The following PDHB variants were observed in gnomAD, a reference collection of about 807,000 sequenced individuals.
PDHB encodes pyruvate dehydrogenase E1 subunit beta, also known as pyruvate dehydrogenase E1 component subunit beta, mitochondrial.
Under a neutral mutation model 42.8 loss-of-function variants are expected in PDHB, and 17 were observed. The observed-to-expected ratio is 0.40, with a 90% CI of 0.27 to 0.60. The LOEUF (loss-of-function observed/expected upper bound fraction) is 0.60. PDHB is among the 20% of genes least tolerant of loss of function. PDHB has a pLI of 0.46. For synonymous variants in PDHB, 154 were observed against 148.7 expected (o/e 1.04, Z -0.26); for missense variants, 322 against 451.3 (o/e 0.71, Z 2.60).
chr3:58,433,237 C>A lies in PDHB; in HGVS notation c.96+394G>T, dbSNP rs894670996. On this transcript the variant is annotated intron_variant, in intron 2 of 9. Coordinates refer to ENST00000302746, the MANE Select transcript of PDHB (RefSeq NM_000925.4). ...GTTACCGAGTAATGGACAGTTTCTG[C>A]TTGGGATGATTAAAAAGTTCTGGAA... 7 of 311,506 alleles carry A rather than the reference C, an allele frequency of 2.2e-5. No individual in the cohort carries two copies. In the Admixed American group the frequency reaches 2.9e-4, roughly 13 times the overall value. The allele number at this position is 311,506 out of a possible 1,614,324, so 19.3% of individuals were successfully genotyped here.
Position 58,431,633 on chromosome 3 carries a change from A to C in PDHB, c.268-5T>G. 4.4e-6 allele frequency: 7 copies of C among 1,608,936 alleles called. No homozygotes were observed. Among genetic ancestry groups the C allele is most frequent in the Non-Finnish European group, 6.0e-6 (7 of 1,175,862 alleles). On this transcript the variant is annotated splice_region_variant and splice_polypyrimidine_tract_variant and intron_variant, in intron 4 of 9. Transcript: ENST00000302746. This position sits in a 1 kb window ranked among gnomAD's most constrained non-coding sequence, Gnocchi z 4.4. ...AGCAATTCCAGCAAAGCCCATCTAT[A>C]AAGTAAAATATAAACATAAGTGAAA...
chr3:58,430,638 A>G lies in PDHB; in HGVS notation c.589+19T>C. The G allele has an allele frequency of 6.2e-7, 1 of 1,609,984 alleles. No individual in the cohort carries two copies. The highest frequency in any genetic ancestry group is 8.5e-7 in the Non-Finnish European group (1 of 1,177,470). The stretch of plus-strand genomic sequence containing the variant: ...AGTTTTTCAATCTTCAAAAAAAACC[A>G]AAGGGTCCCTGTGCTGACCTGGATT... On this transcript the variant is annotated intron_variant, in intron 6 of 9. Transcript: ENST00000302746.
intron 2 of PDHB, chr3:58,432,241 C>A (rs1356823978): frequency 2.0e-6 from 1 of 491,332 alleles, no homozygotes; most frequent in Non-Finnish European, 3.7e-6. Context: ...AGGAGTTGCT[C>A]TTTTAATATA....
In PDHB at chr3:58,431,875, A is replaced by AC; in HGVS notation, c.204+1dup. The stretch of plus-strand genomic sequence containing the variant: ...TGTATAACTTTCATATATTTTAGTT[A>AC]CCTTGTATGCCCCATCATACTGGGC... On this transcript the variant is annotated splice_donor_variant, in intron 3 of 9. Transcript: ENST00000302746. LOFTEE classifies it high-confidence loss of function. The surrounding 1 kb of genome is among the most constrained non-coding windows in gnomAD (Gnocchi z 4.4). 6.2e-7 allele frequency: 1 copy of AC among 1,609,952 alleles called. No homozygotes were observed. The highest frequency in any genetic ancestry group is 2.2e-5 in the East Asian group (1 of 44,866).
intron 8 of PDHB, 107 bp from the exon 9 acceptor site, chr3:58,428,721 G>C: frequency 9.7e-7 from 1 of 1,033,394 alleles, no homozygotes; most frequent in Non-Finnish European, 1.5e-6. Context: ...TTGTATCTAG[G>C]AAAATCTAAT....
At position 58,428,072 on chromosome 3, in the gene PDHB, C is replaced by A. The variant is rs773256169; in HGVS notation, c.1042G>T (p.Asp348Tyr). The A allele has an allele frequency of 6.2e-7, 1 of 1,610,138 alleles. No homozygotes were observed. The highest frequency in any genetic ancestry group is 1.1e-5 in the South Asian group (1 of 90,992). The change falls in exon 10 of 10, where the codon GAC becomes TAC. Residue 348 changes from aspartate (D) to tyrosine (Y), a missense_variant. This residue lies in a region of PDHB where 208 missense variants were observed against 285.0 expected (regional missense o/e 0.73). Coordinates refer to ENST00000302746, the MANE Select transcript of PDHB (RefSeq NM_000925.4). ...LEDNSIPQVKDIIFAIKKTLN... is the reference protein window; with the variant it reads ...LEDNSIPQVKYIIFAIKKTLN... ...GTTTTCTTTATTGCAAATATGATGT[C>A]TTTGACCTGAGGTATAGAGTTGTCC...
rs1234629503 is a variant in PDHB, at chr3:58,427,657, T to C, written c.*377A>G. 8.2e-6 allele frequency: 3 copies of C among 365,448 alleles called. No homozygotes were observed. The highest frequency in any genetic ancestry group is 6.4e-5 in the African/African-American group (3 of 46,794). The allele number at this position is 365,448 out of a possible 1,614,324, so 22.6% of individuals were successfully genotyped here. A position where few individuals can be genotyped will look rare whatever the true frequency, so the allele number is the denominator to read the frequency against. ...ATGTTAGAAATTCCTTTATTCCTTA[T>C]CAAAACAAACTAACAGTAAATGTAT... is the stretch of plus-strand genomic sequence containing the variant. On this transcript the variant is annotated 3_prime_UTR_variant, in exon 10 of 10. Coordinates refer to ENST00000302746, the MANE Select transcript of PDHB (RefSeq NM_000925.4).
Position 58,431,836 on chromosome 3 carries a change from A to G in PDHB, c.204+41T>C, listed in dbSNP as rs2107941115. ...TCCCTTAAGTGTATCTGGGGGTAAC[A>G]GTGACCTCAATTTTGTATAACTTTC... On this transcript the variant is annotated intron_variant, in intron 3 of 9. Coordinates refer to ENST00000302746, the MANE Select transcript of PDHB (RefSeq NM_000925.4). The surrounding 1 kb of genome is among the most constrained non-coding windows in gnomAD (Gnocchi z 4.4). The G allele has an allele frequency of 1.2e-6, 2 of 1,607,064 alleles. No individual in the cohort carries two copies. Among genetic ancestry groups the G allele is most frequent in the Non-Finnish European group, 1.7e-6 (2 of 1,173,586 alleles).
chr3:58,431,946 C>T lies in PDHB; in HGVS notation c.135G>A (p.Glu45=). Residue 45 remains glutamate, a synonymous_variant, in exon 3 of 10, where the codon GAG becomes GAA. Coordinates refer to ENST00000302746, the MANE Select transcript of PDHB (RefSeq NM_000925.4). The surrounding 1 kb of genome is among the most constrained non-coding windows in gnomAD (Gnocchi z 4.4). ...ATACCTTCTCATCTCTTTCCAGCTCCTCATCCATACCCTGATTTATAGCAT... is the reference window on the plus strand; with the variant it reads ...ATACCTTCTCATCTCTTTCCAGCTCTTCATCCATACCCTGATTTATAGCAT... ...VRDAINQGMD[E]ELERDEKVFL... 6.2e-7 allele frequency: 1 copy of T among 1,613,952 alleles called. No individual in the cohort carries two copies. The highest frequency in any genetic ancestry group is 1.6e-4 in the Middle Eastern group (1 of 6,062).
intron 2 of PDHB, 73 bp downstream of exon 2, chr3:58,433,558 C>G (rs907363195): frequency 2.0e-6 from 3 of 1,500,038 alleles, no homozygotes; most frequent in African/African-American, 2.8e-5. Flanking sequence ...AGCGCAGGCG[C>G]GACTCCGGCC....
Position 58,430,950 on chromosome 3 carries a change from A to C in PDHB, c.304-8T>G. The C allele has an allele frequency of 6.2e-7, 1 of 1,614,124 alleles. No individual in the cohort carries two copies. The highest frequency in any genetic ancestry group is 8.5e-7 in the Non-Finnish European group (1 of 1,179,990). On this transcript the variant is annotated splice_region_variant and splice_polypyrimidine_tract_variant and intron_variant, in intron 5 of 9. Transcript: ENST00000302746. Reference sequence around the variant, plus strand: ...AATGGGCCGCAACCCAGCCTGTAAAATCAAAAACGTGGATGTTAAAAAGAC... The same window carrying C: ...AATGGGCCGCAACCCAGCCTGTAAACTCAAAAACGTGGATGTTAAAAAGAC...
At chr3:58,433,730 G>C (rs368608656) in intron 1 of PDHB, 38 bp downstream of exon 1, 13 of 1,612,304 alleles carry the variant, frequency 8.1e-6, no homozygotes, top group South Asian at 1.1e-5. Context: ...GGGTGGGCAG[G>C]GGTCGCGTGG....
chr3:58,427,664 AAACT>A lies in PDHB; in HGVS notation c.*366_*369del, dbSNP rs973656736. The A allele has an allele frequency of 3.8e-5, 14 of 371,178 alleles. No individual in the cohort carries two copies. The highest frequency in any genetic ancestry group is 5.3e-5 in the Non-Finnish European group (10 of 190,134). The allele number at this position is 371,178 out of a possible 1,614,324, so 23.0% of individuals were successfully genotyped here. On this transcript the variant is annotated 3_prime_UTR_variant, in exon 10 of 10. Coordinates refer to ENST00000302746, the MANE Select transcript of PDHB (RefSeq NM_000925.4). ...AAATTCCTTTATTCCTTATCAAAACAAACTAACAGTAAATGTATATTATATGCTT... is the reference window on the plus strand; with the variant it reads ...AAATTCCTTTATTCCTTATCAAAACAAACAGTAAATGTATATTATATGCTT...
intron 8 of PDHB, among the ~76,000 whole-genome samples, chr3:58,429,443 T>C (rs921176054): frequency 3.3e-5 from 5 of 150,816 alleles, no homozygotes; most frequent in South Asian, 2.1e-4. Flanking sequence ...CCTGTTTTTT[T>C]CTCTCTCGGG....
intron 6 of PDHB, among the ~76,000 whole-genome samples, 189 bp from the exon 7 acceptor site, chr3:58,430,427 T>G (rs1484716454): frequency 6.6e-6 from 1 of 152,186 alleles, no homozygotes; most frequent in East Asian, 1.9e-4. Context: ...ATTTTATCTA[T>G]CAAACCAGTA....
intron 2 of PDHB, chr3:58,432,694 CAA>C (rs373625575): frequency 7.4e-5 from 9 of 121,798 alleles, no homozygotes; most frequent in Non-Finnish European, 1.5e-4. Flanking sequence ...AACTCCGTCT[CAA>C]AAAAAAAAAA....
chr3:58,433,419 C>G, intron 2 of PDHB: 1 of 607,598 alleles, frequency 1.6e-6, no homozygotes, highest in Non-Finnish European at 2.9e-6. Context: ...TAGTTTTCCC[C>G]CATTGCCCAG....
intron 2 of PDHB, chr3:58,433,337 C>T: frequency 1.7e-6 from 1 of 577,894 alleles, no homozygotes; most frequent in South Asian, 2.1e-5. Context: ...CTAAAAAGTA[C>T]ATTTTAAGTT....
intron 2 of PDHB, 134 bp from the exon 3 acceptor site, chr3:58,432,118 CAAAG>C (rs2062925764): frequency 9.9e-6 from 7 of 709,338 alleles, no homozygotes; most frequent in Admixed American, 2.2e-5. Flanking sequence ...TCTAAAAACT[CAAAG>C]AATTCTAAAA....
Sources: gnomAD v4.1 joint callset for allele counts (sites outside exome capture counted in the v4.1 genomes callset) on GRCh38, gnomAD v4.1.1 for gene constraint, gnomAD v4.1.1 regional missense constraint, Gnocchi (gnomAD v3.1) non-coding constraint, MANE v1.5 for transcripts, NCBI Gene and HGNC (gene_info 2026-07-23, HGNC 2026-07-21) for gene names.